Variants in LANCL3 observed in about 807,000 individuals in gnomAD.
LANCL3 encodes the protein LanC like family member 3.
In LANCL3, 19 loss-of-function variants were observed where a neutral mutation model predicts 26.5. The ratio of observed to expected loss-of-function variants is 0.72; its 90% CI spans 0.50 to 1.05. The LOEUF is 1.05. LANCL3 is among the 50% of genes least tolerant of loss of function. LANCL3 has a pLI of 0.00. For missense variants in LANCL3, 318 were observed against 362.7 expected (o/e 0.88, Z 1.00); for synonymous variants, 160 against 166.6 (o/e 0.96, Z 0.30).
chrX:37,679,957 C>A lies in LANCL3; in HGVS notation c.*4144C>A. 9.0e-6 allele frequency: 1 copy of A among 111,689 alleles called. No individual in the cohort carries two copies. Among genetic ancestry groups the A allele is most frequent in the South Asian group, 3.8e-4 (1 of 2,640 alleles). The allele number at this position is 111,689 out of a possible 1,213,427, so 9.2% of individuals were successfully genotyped here. A position where few individuals can be genotyped will look rare whatever the true frequency, so the allele number is the denominator to read the frequency against. On this transcript the variant is annotated 3_prime_UTR_variant, in exon 5 of 5. Transcript: ENST00000378619. Reference sequence around the variant, plus strand: ...TGATTCACCAACTTCTCCTTCTTCTCCTCTTTAAATATTATAGTTCATTGT... The same window carrying A: ...TGATTCACCAACTTCTCCTTCTTCTACTCTTTAAATATTATAGTTCATTGT...
intron 1 of LANCL3, among the ~76,000 whole-genome samples, chrX:37,573,146 A>G (rs1371766942): frequency 1.8e-5 from 2 of 112,614 alleles, no homozygotes; most frequent in African/African-American, 3.2e-5. Flanking sequence ...CTTGATGAAT[A>G]ACTTTACAGT....
chrX:37,617,892 A>C, intron 1 of LANCL3, among the ~76,000 whole-genome samples: 1 of 111,966 alleles, frequency 8.9e-6, no homozygotes. Context: ...ATTTTTAGCC[A>C]TTAAAAAAAA....
intron 1 of LANCL3, among the ~76,000 whole-genome samples, chrX:37,578,905 G>A (rs1923819326): frequency 9.4e-6 from 1 of 106,254 alleles, no homozygotes. Flanking sequence ...GCTTGAACCC[G>A]GGAGGCGGAG....
At chrX:37,623,014 C>G (rs1422923597) in intron 1 of LANCL3, among the ~76,000 whole-genome samples, 1 of 111,925 alleles carries the variant, frequency 8.9e-6, no homozygotes, top group Non-Finnish European at 1.9e-5. Context: ...CAATTGGCAC[C>G]TTTTCATAGG....
At chrX:37,650,033 G>T (rs1556428276) in intron 1 of LANCL3, among the ~76,000 whole-genome samples, 1 of 110,715 alleles carries the variant, frequency 9.0e-6, no homozygotes, top group African/African-American at 3.3e-5. Flanking sequence ...CAGGCGTGGT[G>T]GTTCACGCCT....
At chrX:37,632,937 G>A (rs1274621511) in intron 1 of LANCL3, among the ~76,000 whole-genome samples, 7 of 111,052 alleles carry the variant, frequency 6.3e-5, no homozygotes, top group Admixed American at 9.6e-5. Flanking sequence ...GTGTCTTGGA[G>A]TTGCTCTTCT....
intron 1 of LANCL3, among the ~76,000 whole-genome samples, chrX:37,611,141 T>C (rs1355803059): frequency 1.8e-5 from 2 of 111,936 alleles, no homozygotes; most frequent in African/African-American, 6.5e-5. Flanking sequence ...CCCTCATTGG[T>C]TGGGGGCATT....
At chrX:37,585,489 G>A (rs28851498) in intron 1 of LANCL3, among the ~76,000 whole-genome samples, 56 of 111,877 alleles carry the variant, frequency 5.0e-4, no homozygotes, top group Admixed American at 2.6e-3. Context: ...CCTGTATTGG[G>A]TGCATATACA....
At chrX:37,632,311 T>A (rs1330716054) in intron 1 of LANCL3, among the ~76,000 whole-genome samples, 1 of 111,740 alleles carries the variant, frequency 8.9e-6, no homozygotes, top group African/African-American at 3.3e-5. Flanking sequence ...GCTTGGTAGA[T>A]CTTCCTCCAT....
chrX:37,679,498 T>C lies in LANCL3; in HGVS notation c.*3685T>C, dbSNP rs1321687657. 2 of 111,630 alleles carry C rather than the reference T, an allele frequency of 1.8e-5. No individual in the cohort carries two copies. Among genetic ancestry groups the C allele is most frequent in the African/African-American group, 6.5e-5 (2 of 30,694 alleles). 9.2% of individuals were successfully genotyped at this position (111,630 alleles called of 1,213,427 possible). ...GCTTGCTGAGAACAAAGGATTACAG[T>C]GCCAATAACTCAAGAAAAGGAGCAG... On this transcript the variant is annotated 3_prime_UTR_variant, in exon 5 of 5. Transcript: ENST00000378619.
chrX:37,604,614 C>T (rs1214997210), intron 1 of LANCL3, among the ~76,000 whole-genome samples: 1 of 112,112 alleles, frequency 8.9e-6, no homozygotes, highest in Non-Finnish European at 1.9e-5. Flanking sequence ...TGGCCTGGCA[C>T]AGGCTCACTT....
chrX:37,630,244 C>G (rs1233789327), intron 1 of LANCL3, among the ~76,000 whole-genome samples: 1 of 111,342 alleles, frequency 9.0e-6, no homozygotes, highest in Non-Finnish European at 1.9e-5. Context: ...TGATTTGGCT[C>G]TCTGTTTGCC....
chrX:37,637,171 A>G (rs1380807761), intron 1 of LANCL3, among the ~76,000 whole-genome samples: 2 of 111,840 alleles, frequency 1.8e-5, no homozygotes, highest in East Asian at 2.8e-4. Context: ...GCATTTTTGA[A>G]AAAGGAATTA....
At chrX:37,626,300 G>A (rs1354153770) in intron 1 of LANCL3, among the ~76,000 whole-genome samples, 1 of 111,972 alleles carries the variant, frequency 8.9e-6, no homozygotes, top group East Asian at 2.8e-4. Context: ...CTTAACAAAA[G>A]TTAGCTCTTC....
chrX:37,592,898 G>GA (rs1924328588), intron 1 of LANCL3, among the ~76,000 whole-genome samples: 1 of 111,307 alleles, frequency 9.0e-6, no homozygotes, highest in Non-Finnish European at 1.9e-5. Flanking sequence ...ATAAAGAAGA[G>GA]TCTCTAAAAA....
chrX:37,610,577 G>C (rs1260746111), intron 1 of LANCL3, among the ~76,000 whole-genome samples: 1 of 111,692 alleles, frequency 9.0e-6, no homozygotes, highest in Non-Finnish European at 1.9e-5. Context: ...CCCGTAGATA[G>C]AATGCTTGGC....
At chrX:37,593,031 G>A (rs1924331785) in intron 1 of LANCL3, among the ~76,000 whole-genome samples, 1 of 112,040 alleles carries the variant, frequency 8.9e-6, no homozygotes, top group South Asian at 3.7e-4. Context: ...TTCTTAACTA[G>A]AATTCTATAG....
chrX:37,589,941 G>A (rs1474178415), intron 1 of LANCL3, among the ~76,000 whole-genome samples: 1 of 111,901 alleles, frequency 8.9e-6, no homozygotes, highest in African/African-American at 3.3e-5. Flanking sequence ...AAATTGAGTG[G>A]GCATCACCCC....
At chrX:37,581,683 G>T (rs1923897157) in intron 1 of LANCL3, among the ~76,000 whole-genome samples, 1 of 111,679 alleles carries the variant, frequency 9.0e-6, no homozygotes, top group African/African-American at 3.3e-5. Context: ...TGATTTAACA[G>T]ACCTACTCAA....
Sources: allele counts gnomAD v4.1 joint callset (sites outside exome capture counted in the v4.1 genomes callset), GRCh38; gene constraint gnomAD v4.1.1; transcripts MANE v1.5; gene names NCBI Gene and HGNC (gene_info 2026-07-23, HGNC 2026-07-21).